The following DLGAP2 variants were observed in gnomAD, a reference collection of about 807,000 sequenced individuals.
The protein encoded by DLGAP2 is disks large-associated protein 2.
DLGAP2 carries 26 observed loss-of-function variants against 100.3 expected under a neutral mutation model. The observed-to-expected ratio is 0.26, with a 90% CI of 0.19 to 0.36. The LOEUF (loss-of-function observed/expected upper bound fraction) is 0.36. DLGAP2 is among the 10% of genes least tolerant of loss of function. The pLI is 1.00. For synonymous variants in DLGAP2, 886 were observed against 630.1 expected, an observed-to-expected ratio of 1.41 and a Z score of -6.08; for missense variants, 1,858 against 1,453.2, an observed-to-expected ratio of 1.28 and a Z score of -4.53.
At chr8:1,429,527 T>C (rs1021910807) in intron 3 of DLGAP2, among the ~76,000 whole-genome samples, 8 of 152,138 alleles carry the variant, frequency 5.3e-5, no homozygotes, top group African/African-American at 1.9e-4. Flanking sequence ...AAGCTGAAGA[T>C]GACTTAGGGA....
At chr8:1,384,246 A>T in intron 3 of DLGAP2, among the ~76,000 whole-genome samples, 1 of 152,262 alleles carries the variant, frequency 6.6e-6, no homozygotes. Context: ...TTCCTGGAAA[A>T]AGCAAGAATT....
chr8:743,413 T>C (rs1354046671), intron 1 of DLGAP2, among the ~76,000 whole-genome samples: 1 of 152,100 alleles, frequency 6.6e-6, no homozygotes, highest in Non-Finnish European at 1.5e-5. Flanking sequence ...GTAGATCTTA[T>C]ATTCAGGGGC....
intron 3 of DLGAP2, among the ~76,000 whole-genome samples, chr8:1,371,750 C>A (rs1802242990): frequency 6.6e-6 from 1 of 152,110 alleles, no homozygotes; most frequent in Non-Finnish European, 1.5e-5. Flanking sequence ...GTCATCGCCA[C>A]TTGAGAGGGG....
At chr8:822,902 G>A (rs952804983) in intron 1 of DLGAP2, among the ~76,000 whole-genome samples, 1 of 152,202 alleles carries the variant, frequency 6.6e-6, no homozygotes, top group African/African-American at 2.4e-5. Flanking sequence ...AGATTGGAGA[G>A]GAGGGTTTTG....
chr8:1,176,634 A>G (rs2116692235), intron 2 of DLGAP2, among the ~76,000 whole-genome samples: 1 of 152,074 alleles, frequency 6.6e-6, no homozygotes. Context: ...GTTGACGGGG[A>G]AGAAGTTGGA....
At chr8:999,300 C>A (rs1302105996) in intron 2 of DLGAP2, among the ~76,000 whole-genome samples, 1 of 151,614 alleles carries the variant, frequency 6.6e-6, no homozygotes, top group Admixed American at 6.6e-5. Flanking sequence ...TGTGACCCTT[C>A]CTGTGTATTC....
At chr8:1,466,333 G>A (rs981094511) in intron 3 of DLGAP2, among the ~76,000 whole-genome samples, 1 of 151,954 alleles carries the variant, frequency 6.6e-6, no homozygotes, top group Non-Finnish European at 1.5e-5. Context: ...AGGCCCAGCC[G>A]ACCCTCATCC....
chr8:1,072,594 T>C (rs564979169), intron 2 of DLGAP2, among the ~76,000 whole-genome samples: 6 of 152,200 alleles, frequency 3.9e-5, no homozygotes, highest in East Asian at 3.9e-4. Flanking sequence ...CCCGAGAGCA[T>C]TGGGTGTGTG....
At chr8:1,692,822 A>G (rs990729980) in intron 13 of DLGAP2, among the ~76,000 whole-genome samples, 3 of 151,586 alleles carry the variant, frequency 2.0e-5, no homozygotes, top group Non-Finnish European at 4.4e-5. Context: ...CAAGCAAACA[A>G]AAAGAAAAAC....
chr8:1,271,168 A>G (rs1176541854), intron 3 of DLGAP2, among the ~76,000 whole-genome samples: 1 of 152,206 alleles, frequency 6.6e-6, no homozygotes, highest in Non-Finnish European at 1.5e-5. Context: ...AAAAGAAAAC[A>G]TGTGAAAAGG....
chr8:757,873 C>T (rs1012579009), intron 1 of DLGAP2, among the ~76,000 whole-genome samples: 2 of 152,170 alleles, frequency 1.3e-5, no homozygotes, highest in Admixed American at 6.5e-5. Flanking sequence ...GCACGTGTAG[C>T]AGGCATTCCC....
intron 6 of DLGAP2, among the ~76,000 whole-genome samples, chr8:1,602,405 C>G (rs929196917): frequency 6.6e-6 from 1 of 152,186 alleles, no homozygotes; most frequent in African/African-American, 2.4e-5. Context: ...CAAAGTTGGG[C>G]ATTATTAAGA....
At chr8:944,517 A>T (rs576036766) in intron 2 of DLGAP2, among the ~76,000 whole-genome samples, 1 of 148,546 alleles carries the variant, frequency 6.7e-6, no homozygotes, top group East Asian at 2.1e-4. Context: ...TAACCAGTCC[A>T]TGTGGGTGAT....
intron 11 of DLGAP2, among the ~76,000 whole-genome samples, chr8:1,677,539 C>A (rs575982651): frequency 1.4e-4 from 22 of 152,190 alleles, no homozygotes; most frequent in Non-Finnish European, 2.5e-4. Flanking sequence ...ACACACCACA[C>A]AGGCACACGA....
chr8:1,070,534 A>G (rs1313138473), intron 2 of DLGAP2, among the ~76,000 whole-genome samples: 1 of 152,150 alleles, frequency 6.6e-6, no homozygotes, highest in Non-Finnish European at 1.5e-5. Flanking sequence ...GAAATATCTC[A>G]CAGGTGAGGG....
intron 4 of DLGAP2, among the ~76,000 whole-genome samples, chr8:1,540,951 C>T (rs1031463215): frequency 9.2e-5 from 14 of 152,212 alleles, no homozygotes; most frequent in African/African-American, 3.1e-4. Flanking sequence ...GTGAGCACAG[C>T]AGCAGAATCG....
intron 5 of DLGAP2, among the ~76,000 whole-genome samples, chr8:1,554,553 C>G (rs891647813): frequency 6.6e-6 from 1 of 152,112 alleles, no homozygotes; most frequent in Non-Finnish European, 1.5e-5. Flanking sequence ...TATTGAGGGT[C>G]CCTCTGCTGC....
At chr8:815,707 T>C (rs1323324889) in intron 1 of DLGAP2, among the ~76,000 whole-genome samples, 2 of 152,176 alleles carry the variant, frequency 1.3e-5, no homozygotes, top group Non-Finnish European at 2.9e-5. Context: ...CTATCCCTAA[T>C]GTGCCTATCG....
At chr8:1,205,881 A>G (rs1299441688) in intron 2 of DLGAP2, among the ~76,000 whole-genome samples, 1 of 152,186 alleles carries the variant, frequency 6.6e-6, no homozygotes, top group Non-Finnish European at 1.5e-5. Context: ...AGCCAAGTGC[A>G]GTGGCACCTG....
Sources: gnomAD v4.1 joint callset for allele counts (sites outside exome capture counted in the v4.1 genomes callset) on GRCh38, gnomAD v4.1.1 for gene constraint, MANE v1.5 for transcripts, NCBI Gene and HGNC (gene_info 2026-07-23, HGNC 2026-07-21) for gene names.